SLC41A3: variants seen among roughly 807,000 people sequenced by gnomAD.
SLC41A3 encodes the protein SLC41A1-like 2.
Under a neutral mutation model 45.4 loss-of-function variants are expected in SLC41A3, and 44 were observed. The ratio of observed to expected loss-of-function variants is 0.97; its 90% CI spans 0.76 to 1.25. SLC41A3 has a LOEUF of 1.25. SLC41A3 is among the 50% of genes most tolerant of loss of function. SLC41A3 has a pLI of 0.00. For synonymous variants in SLC41A3, 256 were observed against 252.4 expected, an observed-to-expected ratio of 1.01 and a Z score of -0.13; for missense variants, 550 against 600.6, an observed-to-expected ratio of 0.92 and a Z score of 0.88.
At chr3:126,037,684 A>C (rs1157044989) in intron 3 of SLC41A3, among the ~76,000 whole-genome samples, 1 of 152,348 alleles carries the variant, frequency 6.6e-6, no homozygotes, top group East Asian at 1.9e-4. Flanking sequence ...GTTGAAACTT[A>C]TATTTAAAAG....
At chr3:126,084,976 T>C (rs935349534), upstream of SLC41A3, among the ~76,000 whole-genome samples, 3 of 152,178 alleles carry the variant, frequency 2.0e-5, no homozygotes, top group Non-Finnish European at 2.9e-5. Context: ...TACAGCCTCT[T>C]CTCTCTGAAG....
chr3:126,015,383 A>G (rs978144808), intron 8 of SLC41A3, 111 bp downstream of exon 8: 33 of 1,070,244 alleles, frequency 3.1e-5, no homozygotes, highest in Non-Finnish European at 4.2e-5. Flanking sequence ...CAGCTGCCCA[A>G]CTGCCTGTGC....
chr3:126,054,701 T>A (rs1242443526), intron 2 of SLC41A3, among the ~76,000 whole-genome samples: 1 of 151,932 alleles, frequency 6.6e-6, no homozygotes, highest in African/African-American at 2.4e-5. Flanking sequence ...CCTCTGCAGA[T>A]CCCCTGGCCC....
chr3:126,021,104 C>T (rs1158248762), intron 6 of SLC41A3, among the ~76,000 whole-genome samples: 3 of 152,146 alleles, frequency 2.0e-5, no homozygotes, highest in Non-Finnish European at 4.4e-5. Flanking sequence ...CCGTGTTAGC[C>T]AGGATGGTCT....
At chr3:126,056,326 C>A in intron 2 of SLC41A3, 1 of 1,604,750 alleles carries the variant, frequency 6.2e-7, no homozygotes, top group South Asian at 1.1e-5. Context: ...GTGTGTCTCC[C>A]ACCCCTGATC....
upstream of SLC41A3, chr3:126,085,393 G>A (rs1054232222): frequency 1.3e-5 from 2 of 152,142 alleles, no homozygotes; most frequent in Non-Finnish European, 2.9e-5. Context: ...GGCACCCAGC[G>A]TGGGGCCTCA....
intron 3 of SLC41A3, among the ~76,000 whole-genome samples, chr3:126,041,863 G>GC (rs1553733506): frequency 1.8e-4 from 27 of 152,094 alleles, no homozygotes; most frequent in African/African-American, 6.0e-4. Flanking sequence ...TCAGAAACCA[G>GC]TTAAGATCTG....
intron 9 of SLC41A3, among the ~76,000 whole-genome samples, chr3:126,011,156 T>C (rs573733335): frequency 6.6e-6 from 1 of 152,036 alleles, no homozygotes; most frequent in Admixed American, 6.5e-5. Flanking sequence ...CAATCCTTCA[T>C]CATGCAATCA....
intron 2 of SLC41A3, among the ~76,000 whole-genome samples, chr3:126,052,363 A>G (rs1277925132): frequency 1.3e-5 from 2 of 151,122 alleles, no homozygotes; most frequent in Non-Finnish European, 3.0e-5. Flanking sequence ...CACCACCCAC[A>G]CCCTCCCTAA....
At position 126,006,842 on chromosome 3, in the gene SLC41A3, C is replaced by T; in HGVS notation, c.*174G>A. 1 of 1,462,146 alleles carries T rather than the reference C, an allele frequency of 6.8e-7. No individual in the cohort carries two copies. The highest frequency in any genetic ancestry group is 9.0e-7 in the Non-Finnish European group (1 of 1,113,884). The allele number at this position is 1,462,146 out of a possible 1,614,324, so 90.6% of individuals were successfully genotyped here. ...TGATTTCAGGGCTCTATTGCAGGCT[C>T]AGGTATCAACCCCAGAGCCGAGGTG... is the stretch of plus-strand genomic sequence containing the variant. On this transcript the variant is annotated 3_prime_UTR_variant, in exon 11 of 11. Coordinates refer to ENST00000360370, the MANE Select transcript of SLC41A3 (RefSeq NM_017836.4).
At chr3:126,072,050 C>T (rs1944644864) in intron 1 of SLC41A3, among the ~76,000 whole-genome samples, 1 of 152,228 alleles carries the variant, frequency 6.6e-6, no homozygotes, top group South Asian at 2.1e-4. Flanking sequence ...GCTAGGATTA[C>T]AGGCATGAGC....
chr3:126,060,056 C>T (rs1419798436), intron 2 of SLC41A3, among the ~76,000 whole-genome samples: 2 of 152,230 alleles, frequency 1.3e-5, no homozygotes, highest in African/African-American at 4.8e-5. Flanking sequence ...TGCAGACTCT[C>T]ATATAGAAAG....
At chr3:126,013,107 T>C (rs1234617114) in intron 8 of SLC41A3, among the ~76,000 whole-genome samples, 1 of 151,998 alleles carries the variant, frequency 6.6e-6, no homozygotes, top group Non-Finnish European at 1.5e-5. Flanking sequence ...TAGAAAGGTC[T>C]GAGAATAGTG....
intron 1 of SLC41A3, among the ~76,000 whole-genome samples, chr3:126,076,986 C>A (rs1412591377): frequency 1.3e-5 from 2 of 152,248 alleles, no homozygotes; most frequent in African/African-American, 4.8e-5. Flanking sequence ...AATAAACCAC[C>A]TCAGCCTCCT....
upstream of SLC41A3, among the ~76,000 whole-genome samples, chr3:126,086,413 T>TG (rs1945391752): frequency 1.5e-5 from 2 of 135,898 alleles, no homozygotes; most frequent in East Asian, 2.0e-4. Flanking sequence ...TTCTTGTTTT[T>TG]TTTTTTTTTT....
chr3:126,032,583 T>C, intron 4 of SLC41A3, among the ~76,000 whole-genome samples: 1 of 152,182 alleles, frequency 6.6e-6, no homozygotes, highest in South Asian at 2.1e-4. Context: ...AGTGGGCTGA[T>C]TCCCAAAGTG....
intron 9 of SLC41A3, among the ~76,000 whole-genome samples, chr3:126,011,971 G>A (rs375547964): frequency 6.6e-5 from 10 of 152,252 alleles, no homozygotes; most frequent in African/African-American, 2.4e-4. Flanking sequence ...AGCTTCCAGT[G>A]GTTCTGAGTA....
At chr3:126,009,439 G>A (rs1186271174) in intron 9 of SLC41A3, among the ~76,000 whole-genome samples, 1 of 152,194 alleles carries the variant, frequency 6.6e-6, no homozygotes, top group Admixed American at 6.5e-5. Context: ...CAATGTGCCA[G>A]TGAGCCCTGG....
chr3:126,068,072 G>A lies in SLC41A3; in HGVS notation c.148C>T (p.Pro50Ser), dbSNP rs761558661. 3.1e-6 allele frequency: 5 copies of A among 1,613,810 alleles called. No homozygotes were observed. The South Asian group carries it at 3.3e-5, about 11-fold the overall frequency. Residue 50 changes from proline to serine, a missense_variant, in exon 2 of 11, where the codon CCC becomes TCC. Physicochemically the swap from Pro to Ser is moderately conservative, Grantham distance 74 (BLOSUM62 -1). Transcript: ENST00000360370. ...CTAGGCTCAGTCTCCAGTGGCTTGGGGGTCACGCTTTGGCTCTCAGGGGCC... is the reference window on the plus strand; with the variant it reads ...CTAGGCTCAGTCTCCAGTGGCTTGGAGGTCACGCTTTGGCTCTCAGGGGCC... The part of the protein sequence containing the change: ...LRAPESQSVT[P>S]KPLETEPSRE...
Sources: allele counts gnomAD v4.1 joint callset (sites outside exome capture counted in the v4.1 genomes callset), GRCh38; gene constraint gnomAD v4.1.1; transcripts MANE v1.5; gene names NCBI Gene and HGNC (gene_info 2026-07-23, HGNC 2026-07-21).